WNT2B: variants seen among roughly 807,000 people sequenced by gnomAD.
WNT2B encodes the protein Wnt family member 2B.
Under a neutral mutation model 40.5 loss-of-function variants are expected in WNT2B, and 19 were observed. That is an observed-to-expected ratio of 0.47 (90% CI 0.33 to 0.69). The LOEUF (loss-of-function observed/expected upper bound fraction) is 0.69, where lower values mean the gene tolerates loss of function less well. WNT2B is among the 30% of genes least tolerant of loss of function. The pLI, the probability that WNT2B is intolerant of heterozygous loss-of-function variation, is 0.02. For synonymous variants in WNT2B, 220 were observed against 211.9 expected, an observed-to-expected ratio of 1.04 and a Z score of -0.33; for missense variants, 467 against 556.4, an observed-to-expected ratio of 0.84 and a Z score of 1.62.
At chr1:112,484,508 C>T (rs2101059150) in intron 1 of WNT2B, among the ~76,000 whole-genome samples, 1 of 151,282 alleles carries the variant, frequency 6.6e-6, no homozygotes, top group South Asian at 2.1e-4. Context: ...AACTCCTGGA[C>T]TCAAGTGATT....
At chr1:112,496,840 T>G (rs1266148659) in intron 1 of WNT2B, among the ~76,000 whole-genome samples, 1 of 152,178 alleles carries the variant, frequency 6.6e-6, no homozygotes, top group African/African-American at 2.4e-5. Flanking sequence ...CCTCCGGTGA[T>G]CTGCCCGCCT....
upstream of WNT2B, chr1:112,508,846 G>C: frequency 1.0e-6 from 1 of 999,868 alleles, no homozygotes. This position sits in a 1 kb window ranked among gnomAD's most constrained non-coding sequence, Gnocchi z 4.2. Flanking sequence ...CTACACCTAG[G>C]GCGTCGCGGA....
At chr1:112,482,688 C>T (rs1248929931) in intron 1 of WNT2B, among the ~76,000 whole-genome samples, 2 of 152,068 alleles carry the variant, frequency 1.3e-5, no homozygotes, top group African/African-American at 4.8e-5. Context: ...ATTAAGGAAA[C>T]AATCCCATTC....
At chr1:112,482,842 A>G (rs1651269502) in intron 1 of WNT2B, among the ~76,000 whole-genome samples, 1 of 152,222 alleles carries the variant, frequency 6.6e-6, no homozygotes, top group South Asian at 2.1e-4. Context: ...TTGAAAAAAT[A>G]TTGGTAAAAT....
rs1265528578 is a variant in WNT2B, at chr1:112,509,722, C to G, written c.182+278C>G. On this transcript the variant is annotated intron_variant, in intron 1 of 4. Coordinates refer to ENST00000369684, the MANE Select transcript of WNT2B (RefSeq NM_024494.3). The surrounding 1 kb of genome is among the most constrained non-coding windows in gnomAD (Gnocchi z 4.2). Reference sequence around the variant, plus strand: ...GTGCTGTACCCCCTCTATTTCAGCTCAAGCCCCTTAGGGCAGAAGCTACCT... The same window carrying G: ...GTGCTGTACCCCCTCTATTTCAGCTGAAGCCCCTTAGGGCAGAAGCTACCT... 1.3e-5 allele frequency among the ~76,000 whole-genome samples: 2 copies of G among 152,218 alleles called. No individual in the cohort carries two copies. The highest frequency in any genetic ancestry group is 2.9e-5 in the Non-Finnish European group (2 of 68,022).
exon 1 of WNT2B, chr1:112,467,308 TTGG>T (rs1272132274): frequency 1.9e-6 from 1 of 531,868 alleles, no homozygotes; most frequent in Non-Finnish European, 3.4e-6. Context: ...GTGCCCTTAT[TTGG>T]TGGGCCACTG....
intron 1 of WNT2B, among the ~76,000 whole-genome samples, chr1:112,473,071 AAAAG>A (rs938736917): frequency 5.5e-5 from 8 of 145,246 alleles, no homozygotes; most frequent in East Asian, 2.0e-4. Flanking sequence ...GAAAGGAAGA[AAAAG>A]AAAGAAAGAA....
intron 1 of WNT2B, among the ~76,000 whole-genome samples, chr1:112,493,979 G>GA (rs1029886307): frequency 6.6e-6 from 1 of 150,872 alleles, no homozygotes. Flanking sequence ...CCAGCGATGA[G>GA]AAAAAAACCC....
At chr1:112,512,660 G>A (rs187267606) in intron 1 of WNT2B, among the ~76,000 whole-genome samples, 2 of 152,324 alleles carry the variant, frequency 1.3e-5, no homozygotes, top group Admixed American at 6.5e-5. Context: ...CTACCAGACC[G>A]TGAGGTGGGA....
At chr1:112,512,839 C>G (rs116168254) in intron 1 of WNT2B, among the ~76,000 whole-genome samples, 3,458 of 152,304 alleles carry the variant, frequency 0.023, 137 homozygotes, top group African/African-American at 0.078. Flanking sequence ...GGAGAGCAAG[C>G]AAGCGCCATG....
At chr1:112,475,992 A>C (rs1391355341) in intron 1 of WNT2B, among the ~76,000 whole-genome samples, 1 of 152,210 alleles carries the variant, frequency 6.6e-6, no homozygotes, top group African/African-American at 2.4e-5. Flanking sequence ...GCAACAGAAT[A>C]CATATTATTT....
At chr1:112,516,468 G>A in intron 3 of WNT2B, 51 bp downstream of exon 3, 1 of 1,568,628 alleles carries the variant, frequency 6.4e-7, no homozygotes, top group Non-Finnish European at 8.7e-7. Context: ...GGGGTGACCA[G>A]TGTGTGTGAC....
intron 1 of WNT2B, among the ~76,000 whole-genome samples, chr1:112,503,892 G>C (rs1429296785): frequency 1.3e-5 from 2 of 152,114 alleles, no homozygotes; most frequent in Non-Finnish European, 2.9e-5. Flanking sequence ...AAGAGACATG[G>C]GGAGAGTATG....
At chr1:112,508,713 G>A (rs140485399), upstream of WNT2B, 1,532 of 985,808 alleles carry the variant, frequency 1.6e-3, 20 homozygotes, top group African/African-American at 0.025. This position sits in a 1 kb window ranked among gnomAD's most constrained non-coding sequence, Gnocchi z 4.2. Context: ...CGGTGGCGCG[G>A]TGTCGGCAGG....
chr1:112,475,742 ATAATC>A (rs1002323166), intron 1 of WNT2B, among the ~76,000 whole-genome samples: 11 of 152,190 alleles, frequency 7.2e-5, no homozygotes, highest in African/African-American at 2.7e-4. Context: ...AATCATAAAA[ATAATC>A]TATAAGAAGG....
intron 1 of WNT2B, among the ~76,000 whole-genome samples, chr1:112,503,158 G>C (rs905482994): frequency 1.3e-5 from 2 of 152,104 alleles, no homozygotes; most frequent in African/African-American, 4.8e-5. Flanking sequence ...TTCTTTGGGG[G>C]CCTGCTGGCT....
intron 1 of WNT2B, among the ~76,000 whole-genome samples, chr1:112,494,537 A>C (rs1220982959): frequency 6.6e-6 from 1 of 151,196 alleles, no homozygotes; most frequent in African/African-American, 2.5e-5. Flanking sequence ...CTGGCTAATT[A>C]TTTTATCTTA....
At chr1:112,496,424 C>T (rs1651769912) in intron 1 of WNT2B, among the ~76,000 whole-genome samples, 1 of 152,132 alleles carries the variant, frequency 6.6e-6, no homozygotes, top group South Asian at 2.1e-4. Flanking sequence ...CTCATTCCAG[C>T]ATCAACTCAA....
chr1:112,526,859 C>T lies in WNT2B; in HGVS notation c.*6350C>T, dbSNP rs1653515811. On this transcript the variant is annotated 3_prime_UTR_variant, in exon 5 of 5. Coordinates refer to ENST00000369684, the MANE Select transcript of WNT2B (RefSeq NM_024494.3). ...GAGGGAATAAGTGTCCTAAGAAACT[C>T]CCATCCCAAGCCAGACAGATGCCTA... The T allele has an allele frequency of 6.6e-6, 1 of 152,222 alleles. No individual in the cohort carries two copies. The highest frequency in any genetic ancestry group is 2.1e-4 in the South Asian group (1 of 4,836). The allele number at this position is 152,222 out of a possible 1,614,324, so 9.4% of individuals were successfully genotyped here.
Sources: allele counts gnomAD v4.1 joint callset (sites outside exome capture counted in the v4.1 genomes callset), GRCh38; gene constraint gnomAD v4.1.1; non-coding constraint Gnocchi (gnomAD v3.1); transcripts MANE v1.5; gene names NCBI Gene and HGNC (gene_info 2026-07-23, HGNC 2026-07-21).